Variants in ABTB2 observed in about 807,000 individuals in gnomAD.
ABTB2 encodes the protein ankyrin repeat and BTB domain containing 2.
ABTB2 carries 56 observed loss-of-function variants against 104.1 expected under a neutral mutation model. The ratio of observed to expected loss-of-function variants is 0.54; its 90% CI spans 0.43 to 0.67. ABTB2 has a LOEUF of 0.67. ABTB2 is among the 30% of genes least tolerant of loss of function. The pLI is 0.00. For missense variants in ABTB2, 1,279 were observed against 1,407.7 expected, an observed-to-expected ratio of 0.91 and a Z score of 1.46; for synonymous variants, 606 against 608.2, an observed-to-expected ratio of 1.00 and a Z score of 0.05.
At chr11:34,253,430 C>T (rs1050269429) in intron 1 of ABTB2, among the ~76,000 whole-genome samples, 4 of 151,950 alleles carry the variant, frequency 2.6e-5, no homozygotes, top group African/African-American at 9.7e-5. Context: ...GTAATCCCAG[C>T]ACTTTGGGAG....
chr11:34,239,958 C>A (rs1332908018), intron 1 of ABTB2, among the ~76,000 whole-genome samples: 1 of 152,160 alleles, frequency 6.6e-6, no homozygotes, highest in Non-Finnish European at 1.5e-5. Flanking sequence ...GGATAAAGAG[C>A]CAAGAGGCTG....
intron 1 of ABTB2, among the ~76,000 whole-genome samples, chr11:34,346,099 C>A (rs1031369684): frequency 2.6e-5 from 4 of 152,180 alleles, no homozygotes; most frequent in African/African-American, 9.7e-5. Context: ...GCATTCCTGG[C>A]AGCCTGTCAT....
At chr11:34,297,796 G>C (rs59815177) in intron 1 of ABTB2, among the ~76,000 whole-genome samples, 1 of 123,072 alleles carries the variant, frequency 8.1e-6, no homozygotes, top group African/African-American at 3.2e-5. Flanking sequence ...AAAAATAAAG[G>C]AAAGAAAAAG....
chr11:34,310,123 A>G lies in ABTB2; in HGVS notation c.883+46578T>C, dbSNP rs144958808. Reference sequence around the variant, plus strand: ...AGCACAGTATGTATGTCTCCTGCTCATCAATGACAGGAGCTCAGGGAGGAA... The same window carrying G: ...AGCACAGTATGTATGTCTCCTGCTCGTCAATGACAGGAGCTCAGGGAGGAA... On this transcript the variant is annotated intron_variant, in intron 1 of 16. Transcript: ENST00000435224. 2.2e-4 allele frequency among the ~76,000 whole-genome samples: 33 copies of G among 152,308 alleles called. 1 individual carries two copies. Among genetic ancestry groups the G allele is most frequent in the African/African-American group, 7.9e-4 (33 of 41,578 alleles).
chr11:34,293,525 C>A (rs1260360133), intron 1 of ABTB2, among the ~76,000 whole-genome samples: 1 of 152,082 alleles, frequency 6.6e-6, no homozygotes, highest in Non-Finnish European at 1.5e-5. Flanking sequence ...GAAGGAGAAG[C>A]CATTGAGGAA....
At chr11:34,305,762 C>A (rs1854764099) in intron 1 of ABTB2, among the ~76,000 whole-genome samples, 1 of 152,046 alleles carries the variant, frequency 6.6e-6, no homozygotes, top group South Asian at 2.1e-4. Context: ...ACTCATATAC[C>A]CTTTACCTAG....
intron 1 of ABTB2, among the ~76,000 whole-genome samples, chr11:34,316,286 A>G (rs1854929725): frequency 6.6e-6 from 1 of 152,210 alleles, no homozygotes; most frequent in Non-Finnish European, 1.5e-5. Flanking sequence ...AAAAGTCGCA[A>G]ATGGCTCCCT....
chr11:34,227,731 TC>T (rs1222815691), intron 1 of ABTB2, among the ~76,000 whole-genome samples: 2 of 152,076 alleles, frequency 1.3e-5, no homozygotes, highest in Non-Finnish European at 2.9e-5. Flanking sequence ...ACTTTTTTTT[TC>T]TTCTTTTTTT....
intron 1 of ABTB2, among the ~76,000 whole-genome samples, chr11:34,287,834 T>C (rs16925387): frequency 0.01 from 1,526 of 152,226 alleles, 24 homozygotes; most frequent in African/African-American, 0.035. Context: ...TTCTTTTTTA[T>C]AGAACATCTC....
chr11:34,248,371 C>T (rs998123857), intron 1 of ABTB2, among the ~76,000 whole-genome samples: 9 of 152,166 alleles, frequency 5.9e-5, no homozygotes, highest in African/African-American at 1.7e-4. Context: ...AGGTATGAGC[C>T]ACTGTACCTG....
chr11:34,284,392 A>T (rs1034949262), intron 1 of ABTB2, among the ~76,000 whole-genome samples: 2 of 152,244 alleles, frequency 1.3e-5, no homozygotes, highest in Non-Finnish European at 2.9e-5. Context: ...GACCAGAAGG[A>T]TTGGCCCCAA....
At chr11:34,175,638 G>C (rs1321019) in intron 3 of ABTB2, among the ~76,000 whole-genome samples, 77,809 of 152,096 alleles carry the variant, frequency 0.51, 20,562 homozygotes, top group East Asian at 0.91. Context: ...GTATTCTGAT[G>C]TTCTGGTTCT....
chr11:34,218,068 T>G (rs1382323776), intron 1 of ABTB2, among the ~76,000 whole-genome samples: 1 of 152,268 alleles, frequency 6.6e-6, no homozygotes, highest in African/African-American at 2.4e-5. Flanking sequence ...ACAAATTTAG[T>G]TGCCATCTGC....
chr11:34,272,726 AAAAAAC>A, intron 1 of ABTB2, among the ~76,000 whole-genome samples: 1 of 150,436 alleles, frequency 6.6e-6, no homozygotes, highest in Admixed American at 6.6e-5. Context: ...AAAAAAAAAA[AAAAAAC>A]CAACCAACCA....
chr11:34,243,778 C>T (rs1011688073), intron 1 of ABTB2, among the ~76,000 whole-genome samples: 13 of 152,212 alleles, frequency 8.5e-5, no homozygotes, highest in African/African-American at 3.1e-4. Context: ...CACCCAGACC[C>T]AGGACCAAGC....
chr11:34,170,624 T>C (rs1852859681), intron 5 of ABTB2, among the ~76,000 whole-genome samples: 2 of 152,170 alleles, frequency 1.3e-5, no homozygotes, highest in Admixed American at 1.3e-4. Flanking sequence ...TGAAGCTCAC[T>C]CTCCCAGACT....
intron 14 of ABTB2, among the ~76,000 whole-genome samples, chr11:34,155,857 T>C (rs1465837030): frequency 6.6e-6 from 1 of 152,160 alleles, no homozygotes; most frequent in East Asian, 1.9e-4. Context: ...GTCCGTCTGC[T>C]CCCTCCAGAT....
chr11:34,355,866 G>C (rs949925096), intron 1 of ABTB2, among the ~76,000 whole-genome samples: 1 of 152,124 alleles, frequency 6.6e-6, no homozygotes, highest in African/African-American at 2.4e-5. Flanking sequence ...CTATCTTCAG[G>C]GAAGTGCAAC....
At chr11:34,309,336 C>T (rs547594988) in intron 1 of ABTB2, among the ~76,000 whole-genome samples, 1 of 152,330 alleles carries the variant, frequency 6.6e-6, no homozygotes, top group East Asian at 1.9e-4. Flanking sequence ...GGTTAGCAGT[C>T]ACATCCACTT....
Sources: gnomAD v4.1 joint callset for allele counts (sites outside exome capture counted in the v4.1 genomes callset) on GRCh38, gnomAD v4.1.1 for gene constraint, MANE v1.5 for transcripts, NCBI Gene and HGNC (gene_info 2026-07-23, HGNC 2026-07-21) for gene names.